Variants in SETBP1 observed in about 807,000 individuals in gnomAD.
SETBP1 encodes SET binding protein 1.
Under a neutral mutation model 101.0 loss-of-function variants are expected in SETBP1, and 9 were observed. The ratio of observed to expected loss-of-function variants is 0.09; its 90% CI spans 0.05 to 0.16. The LOEUF (loss-of-function observed/expected upper bound fraction) is 0.16, where lower values mean the gene tolerates loss of function less well. SETBP1 is among the 10% of genes least tolerant of loss of function. The pLI, the probability that SETBP1 is intolerant of heterozygous loss-of-function variation, is 1.00. For synonymous variants in SETBP1, 818 were observed against 788.5 expected, an observed-to-expected ratio of 1.04 and a Z score of -0.63; for missense variants, 1,858 against 2,033.8, an observed-to-expected ratio of 0.91 and a Z score of 1.66.
At position 44,853,860 on chromosome 18, in the gene SETBP1, A is replaced by T. The variant is rs115217418; in HGVS notation, c.487-15370A>T. On this transcript the variant is annotated intron_variant, in intron 2 of 5. Transcript: ENST00000649279. ...TTCACCATGATGTTCCATCTACCTG[A>T]AGTGCCTCTCCCACAGCTCTTCAGT... Among the ~76,000 whole-genome samples the T allele has an allele frequency of 4.7e-3, 712 of 152,130 alleles. 7 individuals carry two copies. The highest frequency in any genetic ancestry group is 0.016 in the African/African-American group (658 of 41,494).
chr18:44,929,929 C>A (rs1223580173), intron 3 of SETBP1, among the ~76,000 whole-genome samples: 1 of 152,194 alleles, frequency 6.6e-6, no homozygotes, highest in East Asian at 1.9e-4. Flanking sequence ...CACTTTATTT[C>A]TTTCTCTTGC....
At chr18:44,918,186 G>A (rs1005552130) in intron 3 of SETBP1, among the ~76,000 whole-genome samples, 2 of 152,108 alleles carry the variant, frequency 1.3e-5, no homozygotes, top group Non-Finnish European at 2.9e-5. Context: ...ATAATCCTCG[G>A]GACAGCCTGT....
chr18:44,996,716 C>T (rs1021289499), intron 4 of SETBP1, among the ~76,000 whole-genome samples: 1 of 152,142 alleles, frequency 6.6e-6, no homozygotes, highest in African/African-American at 2.4e-5. Context: ...ACCTCAAGTC[C>T]TGAGAGGTGA....
chr18:44,781,563 T>C (rs2071132197), intron 2 of SETBP1, among the ~76,000 whole-genome samples: 1 of 150,984 alleles, frequency 6.6e-6, no homozygotes. Flanking sequence ...CATTTTCATT[T>C]ATGTATCCCT....
chr18:44,769,768 G>A (rs1286751572), intron 2 of SETBP1, among the ~76,000 whole-genome samples: 1 of 152,202 alleles, frequency 6.6e-6, no homozygotes, highest in Non-Finnish European at 1.5e-5. Context: ...CCTTTCTGTG[G>A]CCATGGAGGG....
chr18:44,866,981 C>T (rs1333484544), intron 2 of SETBP1, among the ~76,000 whole-genome samples: 1 of 152,172 alleles, frequency 6.6e-6, no homozygotes, highest in Non-Finnish European at 1.5e-5. Flanking sequence ...CAAATGGTCT[C>T]CAGTGTGCTA....
intron 5 of SETBP1, among the ~76,000 whole-genome samples, chr18:45,058,374 C>G (rs1190573110): frequency 6.6e-6 from 1 of 152,132 alleles, no homozygotes; most frequent in Non-Finnish European, 1.5e-5. Context: ...AAGTTCTCCT[C>G]CCCCCACACT....
rs371223842 is a variant in SETBP1 at position 44,950,929 on chromosome 18, G to A, written c.1589G>A (p.Arg530Gln). Residue 530 changes from arginine (R) to glutamine (Q), a missense_variant, in exon 4 of 6, where the codon CGA becomes CAA. This residue lies in a region of SETBP1 where 581 missense variants were observed against 535.1 expected (regional missense o/e 1.09). Coordinates refer to ENST00000649279, the MANE Select transcript of SETBP1 (RefSeq NM_015559.3). ...CAGCATCCAAAATTTGCTGCAAAAC[G>A]AAGGTGGACTTGCAGCAAACCAAAA... ...EIQHPKFAAK[R>Q]RWTCSKPKPS... is the part of the protein sequence containing the mutation. The A allele has an allele frequency of 1.2e-5, 20 of 1,614,000 alleles. No individual in the cohort carries two copies. Among genetic ancestry groups the A allele is most frequent in the Non-Finnish European group, 1.6e-5 (19 of 1,180,038 alleles).
chr18:44,876,999 C>A (rs1043981829), intron 3 of SETBP1: 1 of 1,201,694 alleles, frequency 8.3e-7, no homozygotes, highest in Non-Finnish European at 1.0e-6. Context: ...TCTTCCAGGG[C>A]AGGCTTGATC....
intron 4 of SETBP1, among the ~76,000 whole-genome samples, chr18:44,959,239 G>A (rs977122363): frequency 2.6e-5 from 4 of 152,162 alleles, no homozygotes; most frequent in Admixed American, 6.5e-5. Context: ...TCCTTTCTTG[G>A]CTGGAGAAAT....
At chr18:45,039,534 A>C (rs944951798) in intron 5 of SETBP1, among the ~76,000 whole-genome samples, 3 of 152,226 alleles carry the variant, frequency 2.0e-5, no homozygotes, top group Non-Finnish European at 4.4e-5. Context: ...CGTAGACTGC[A>C]ACTTCTCCCA....
intron 5 of SETBP1, among the ~76,000 whole-genome samples, chr18:45,058,833 A>G (rs985263621): frequency 3.3e-5 from 5 of 152,212 alleles, no homozygotes; most frequent in African/African-American, 1.2e-4. Context: ...TTATTTATGC[A>G]GTTGGTGAAA....
chr18:44,940,359 G>C (rs763635515), intron 3 of SETBP1, among the ~76,000 whole-genome samples: 38 of 151,736 alleles, frequency 2.5e-4, no homozygotes, highest in Non-Finnish European at 2.9e-4. Flanking sequence ...ATTATTTTTG[G>C]TATCTCTAGA....
intron 2 of SETBP1, among the ~76,000 whole-genome samples, chr18:44,807,122 G>A (rs998886612): frequency 3.9e-5 from 6 of 152,022 alleles, no homozygotes; most frequent in African/African-American, 1.4e-4. Context: ...TTTTTCTGTG[G>A]CAATCATTTT....
intron 2 of SETBP1, among the ~76,000 whole-genome samples, chr18:44,748,517 G>A (rs1048496522): frequency 1.1e-4 from 16 of 152,304 alleles, no homozygotes; most frequent in African/African-American, 3.6e-4. Flanking sequence ...ATTCCTGATC[G>A]TGGTCAAACT....
At chr18:44,738,734 A>G (rs140257459) in intron 2 of SETBP1, among the ~76,000 whole-genome samples, 7,254 of 148,574 alleles carry the variant, frequency 0.049, 233 homozygotes, top group Non-Finnish European at 0.065. Flanking sequence ...AGATCATGCC[A>G]CTGCACTCCA....
chr18:44,878,011 A>T (rs1160836238), intron 3 of SETBP1, among the ~76,000 whole-genome samples: 2 of 152,200 alleles, frequency 1.3e-5, no homozygotes, highest in African/African-American at 4.8e-5. Flanking sequence ...CGTGTGAGAA[A>T]ATTGATAGAT....
At chr18:44,714,153 C>T (rs1190935756) in intron 2 of SETBP1, among the ~76,000 whole-genome samples, 1 of 152,046 alleles carries the variant, frequency 6.6e-6, no homozygotes, top group Non-Finnish European at 1.5e-5. Flanking sequence ...ATGTAATATT[C>T]ACTTATTTTT....
At chr18:44,810,437 T>C (rs1274933540) in intron 2 of SETBP1, among the ~76,000 whole-genome samples, 2 of 152,244 alleles carry the variant, frequency 1.3e-5, no homozygotes, top group Non-Finnish European at 2.9e-5. Flanking sequence ...CTTTACAGTA[T>C]TGGCTGAAAG....
Sources: gnomAD v4.1 joint callset for allele counts (sites outside exome capture counted in the v4.1 genomes callset) on GRCh38, gnomAD v4.1.1 for gene constraint, gnomAD v4.1.1 regional missense constraint, MANE v1.5 for transcripts, NCBI Gene and HGNC (gene_info 2026-07-23, HGNC 2026-07-21) for gene names.